Variants in INPP4B observed in about 807,000 individuals in gnomAD.
INPP4B encodes inositol polyphosphate 4-phosphatase type II.
In INPP4B, 55 loss-of-function variants were observed where a neutral mutation model predicts 122.5. That is an observed-to-expected ratio of 0.45 (90% CI 0.36 to 0.56). The LOEUF (loss-of-function observed/expected upper bound fraction) is 0.56. Ranked by LOEUF, INPP4B falls within the 20% of genes least tolerant of loss-of-function variation. The probability of loss-of-function intolerance (pLI) is 0.00; values close to 1 mark genes in which losing one functional copy is unlikely to be tolerated. For missense variants in INPP4B, 1,000 were observed against 1,097.7 expected (o/e 0.91, Z 1.26); for synonymous variants, 403 against 388.7 (o/e 1.04, Z -0.43).
intron 25 of INPP4B, among the ~76,000 whole-genome samples, chr4:142,047,326 A>C (rs1752081658): frequency 6.6e-6 from 1 of 152,108 alleles, no homozygotes; most frequent in Non-Finnish European, 1.5e-5. Context: ...ATCAGTCAGA[A>C]ATGACATTTT....
intron 7 of INPP4B, among the ~76,000 whole-genome samples, chr4:142,325,876 C>T (rs1772164882): frequency 6.6e-6 from 1 of 152,160 alleles, no homozygotes; most frequent in Non-Finnish European, 1.5e-5. Flanking sequence ...CCTGCCATTA[C>T]CCACATTTTA....
intron 7 of INPP4B, among the ~76,000 whole-genome samples, chr4:142,384,493 A>C (rs890598421): frequency 3.3e-5 from 5 of 152,162 alleles, no homozygotes; most frequent in Non-Finnish European, 5.9e-5. Flanking sequence ...ATTGTAACAC[A>C]ATGGTAAGTA....
chr4:142,420,953 C>T (rs1409419906), intron 5 of INPP4B, among the ~76,000 whole-genome samples: 8 of 152,096 alleles, frequency 5.3e-5, no homozygotes, highest in Admixed American at 1.3e-4. Context: ...CAACCACTTA[C>T]GCTAATTCAT....
intron 2 of INPP4B, among the ~76,000 whole-genome samples, chr4:142,695,312 A>C (rs1037445375): frequency 1.3e-5 from 2 of 152,178 alleles, no homozygotes; most frequent in African/African-American, 4.8e-5. Flanking sequence ...AGCCTTGCCA[A>C]AGTTAAAGCA....
chr4:142,693,876 G>C (rs1401418797), intron 2 of INPP4B, among the ~76,000 whole-genome samples: 1 of 152,088 alleles, frequency 6.6e-6, no homozygotes, highest in Non-Finnish European at 1.5e-5. Flanking sequence ...ACAGTCTAAA[G>C]TAGGAAGAAA....
At chr4:142,738,614 CAA>C (rs67923741) in intron 1 of INPP4B, among the ~76,000 whole-genome samples, 2 of 150,426 alleles carry the variant, frequency 1.3e-5, no homozygotes, top group Admixed American at 6.6e-5. Context: ...ATAATAAAAA[CAA>C]AAAAAAAGAA....
chr4:142,662,042 G>A (rs1333083913), intron 2 of INPP4B, among the ~76,000 whole-genome samples: 1 of 152,106 alleles, frequency 6.6e-6, no homozygotes, highest in Non-Finnish European at 1.5e-5. Flanking sequence ...GACCATCCTT[G>A]CTAACACAGT....
chr4:142,812,562 A>G (rs575104203), intron 1 of INPP4B, among the ~76,000 whole-genome samples: 50 of 152,302 alleles, frequency 3.3e-4, no homozygotes, highest in African/African-American at 1.1e-3. Context: ...GGACATAAGC[A>G]CGTGCTATTC....
intron 7 of INPP4B, among the ~76,000 whole-genome samples, chr4:142,391,700 A>G (rs1010599849): frequency 6.6e-6 from 1 of 152,222 alleles, no homozygotes; most frequent in Non-Finnish European, 1.5e-5. Flanking sequence ...TCTGCATGCC[A>G]TGATTCATCA....
intron 7 of INPP4B, among the ~76,000 whole-genome samples, chr4:142,387,318 T>A (rs551363477): frequency 6.6e-6 from 1 of 152,120 alleles, no homozygotes; most frequent in East Asian, 1.9e-4. Flanking sequence ...AAGCTAATAT[T>A]TTAGATAAAA....
At chr4:142,463,279 CT>C (rs1041378722) in intron 2 of INPP4B, among the ~76,000 whole-genome samples, 1 of 152,096 alleles carries the variant, frequency 6.6e-6, no homozygotes, top group African/African-American at 2.4e-5. Flanking sequence ...TTTATTTTTG[CT>C]TGTGGGAAGG....
At chr4:142,095,950 G>T (rs1171756461) in intron 23 of INPP4B, 1 of 152,138 alleles carries the variant, frequency 6.6e-6, no homozygotes, top group East Asian at 1.9e-4. Flanking sequence ...ATTGACAGTG[G>T]AAATTTTAAT....
intron 1 of INPP4B, among the ~76,000 whole-genome samples, chr4:142,815,849 T>C (rs1780056773): frequency 6.6e-6 from 1 of 152,200 alleles, no homozygotes; most frequent in Non-Finnish European, 1.5e-5. Flanking sequence ...AAACCTCATT[T>C]TTCTTCCATA....
At chr4:142,309,155 C>A (rs6849191) in intron 8 of INPP4B, among the ~76,000 whole-genome samples, 2,290 of 152,174 alleles carry the variant, frequency 0.015, 70 homozygotes, top group African/African-American at 0.052. Flanking sequence ...ATAAATAGAA[C>A]TTTGCATAGT....
intron 12 of INPP4B, among the ~76,000 whole-genome samples, chr4:142,235,704 C>T (rs1320533256): frequency 6.6e-5 from 10 of 152,182 alleles, no homozygotes; most frequent in Admixed American, 2.0e-4. Flanking sequence ...GGATTACAGG[C>T]GTGAGCCACC....
chr4:142,430,732 G>A (rs1809127859), intron 4 of INPP4B, among the ~76,000 whole-genome samples: 1 of 151,970 alleles, frequency 6.6e-6, no homozygotes, highest in Admixed American at 6.6e-5. Context: ...AATTTCTAGT[G>A]TAACAATTTT....
intron 2 of INPP4B, among the ~76,000 whole-genome samples, chr4:142,546,153 A>G (rs568702893): frequency 6.6e-6 from 1 of 151,894 alleles, no homozygotes; most frequent in East Asian, 1.9e-4. Context: ...TGTTCTCATC[A>G]TTTAGTTCCC....
intron 2 of INPP4B, among the ~76,000 whole-genome samples, chr4:142,477,719 T>G (rs541694367): frequency 1.3e-4 from 20 of 152,228 alleles, no homozygotes; most frequent in Admixed American, 1.2e-3. Flanking sequence ...CTTCCAAGAT[T>G]GAACCAGGAA....
At chr4:142,597,316 A>G (rs927535696) in intron 2 of INPP4B, among the ~76,000 whole-genome samples, 1 of 151,506 alleles carries the variant, frequency 6.6e-6, no homozygotes, top group Admixed American at 6.6e-5. Flanking sequence ...GAACTAACAG[A>G]ACTATCTTAA....
Sources: gnomAD v4.1 joint callset for allele counts (sites outside exome capture counted in the v4.1 genomes callset) on GRCh38, gnomAD v4.1.1 for gene constraint, MANE v1.5 for transcripts, NCBI Gene and HGNC (gene_info 2026-07-23, HGNC 2026-07-21) for gene names.